Variants in CORIN observed in about 807,000 individuals in gnomAD.
CORIN encodes the protein atrial natriuretic peptide-converting enzyme.
Under a neutral mutation model 125.3 loss-of-function variants are expected in CORIN, and 117 were observed. That is an observed-to-expected ratio of 0.93 (90% CI 0.80 to 1.09). The LOEUF is 1.09. CORIN is among the 50% of genes least tolerant of loss of function. CORIN has a pLI of 0.00. For synonymous variants in CORIN, 450 were observed against 466.4 expected (o/e 0.96, Z 0.45); for missense variants, 1,253 against 1,306.7 (o/e 0.96, Z 0.63).
chr4:47,766,240 T>C (rs1014820733), intron 3 of CORIN, among the ~76,000 whole-genome samples: 8 of 152,158 alleles, frequency 5.3e-5, no homozygotes, highest in South Asian at 2.1e-4. Context: ...AGAACAAAAT[T>C]TCTCTGCCCC....
intron 16 of CORIN, among the ~76,000 whole-genome samples, chr4:47,634,896 G>A (rs76318220): frequency 6.6e-6 from 1 of 152,298 alleles, no homozygotes; most frequent in African/African-American, 2.4e-5. Context: ...CCCAAAGGAA[G>A]GGAGGAATGC....
chr4:47,705,314 T>C (rs1348741641), intron 5 of CORIN, among the ~76,000 whole-genome samples: 1 of 152,226 alleles, frequency 6.6e-6, no homozygotes, highest in African/African-American at 2.4e-5. Flanking sequence ...ATGGTTTACG[T>C]CTTCATAAAC....
rs189964949 is a variant in CORIN, at chr4:47,693,041, A to T, written c.842T>A (p.Ile281Asn). The change falls in exon 6 of 22, where the codon ATC (isoleucine) becomes AAC (asparagine). Residue 281 changes from isoleucine (I) to asparagine (N), a missense_variant. By Grantham distance (149) the Ile-to-Asn change is moderately radical. Coordinates refer to ENST00000273857, the MANE Select transcript of CORIN (RefSeq NM_006587.4). ...RGENFLCASG[I>N]CIPGKLQCNG... ...ACATTGCAGTTTCCCGGGGATGCAG[A>T]TTCCACTGGCACACAGAAAGTTCTC... 1.7e-5 allele frequency: 28 copies of T among 1,613,916 alleles called. No homozygotes were observed. In the African/African-American group the frequency reaches 2.7e-4, roughly 15 times the overall value.
chr4:47,742,821 G>C (rs918839077), intron 5 of CORIN, among the ~76,000 whole-genome samples: 1 of 152,056 alleles, frequency 6.6e-6, no homozygotes, highest in Non-Finnish European at 1.5e-5. Context: ...AACAAAGATA[G>C]AGGACATATA....
intron 1 of CORIN, among the ~76,000 whole-genome samples, chr4:47,807,472 C>T (rs749744073): frequency 1.7e-4 from 26 of 152,092 alleles, no homozygotes; most frequent in Non-Finnish European, 2.9e-4. Flanking sequence ...AGACTTCATT[C>T]TTTTTTGTCT....
chr4:47,732,667 A>C (rs1266335196), intron 5 of CORIN, among the ~76,000 whole-genome samples: 1 of 151,286 alleles, frequency 6.6e-6, no homozygotes, highest in African/African-American at 2.4e-5. Flanking sequence ...AGGCTCAAGC[A>C]ATTCTCCTGC....
chr4:47,623,457 T>C, intron 19 of CORIN, 114 bp downstream of exon 19: 3 of 1,079,126 alleles, frequency 2.8e-6, no homozygotes, highest in Non-Finnish European at 4.0e-6. Flanking sequence ...GGAAGTAGAT[T>C]AGCTGTGGCT....
intron 6 of CORIN, among the ~76,000 whole-genome samples, chr4:47,690,987 A>G (rs914110970): frequency 1.3e-5 from 2 of 152,234 alleles, no homozygotes; most frequent in African/African-American, 4.8e-5. Context: ...CATTTTTGTG[A>G]TATGTTCATG....
chr4:47,829,253 T>C (rs1732873890), intron 1 of CORIN, among the ~76,000 whole-genome samples: 1 of 151,976 alleles, frequency 6.6e-6, no homozygotes, highest in Admixed American at 6.6e-5. Context: ...ATACATTGAG[T>C]TAAGCTATCT....
chr4:47,791,929 C>G (rs1401077602), intron 2 of CORIN, among the ~76,000 whole-genome samples: 1 of 152,030 alleles, frequency 6.6e-6, no homozygotes. Flanking sequence ...GGCAGGCAAT[C>G]TAAAAAATAT....
intron 10 of CORIN, 39 bp from the exon 11 acceptor site, chr4:47,665,302 A>G: frequency 7.0e-7 from 1 of 1,434,674 alleles, no homozygotes; most frequent in South Asian, 1.2e-5. Flanking sequence ...TTTAAATTTC[A>G]CATATAAAAA....
intron 6 of CORIN, among the ~76,000 whole-genome samples, chr4:47,689,974 T>A (rs1353399308): frequency 6.6e-6 from 1 of 152,136 alleles, no homozygotes; most frequent in East Asian, 1.9e-4. Flanking sequence ...ATTTTCCTGG[T>A]TTTTGAAAAT....
chr4:47,796,394 A>T (rs1025336178), intron 2 of CORIN, among the ~76,000 whole-genome samples: 4 of 152,148 alleles, frequency 2.6e-5, no homozygotes, highest in Admixed American at 6.6e-5. Context: ...GATTCATAGA[A>T]GCAGAAAGCA....
intron 4 of CORIN, among the ~76,000 whole-genome samples, chr4:47,747,896 C>T (rs545956358): frequency 5.3e-5 from 8 of 152,168 alleles, no homozygotes; most frequent in Non-Finnish European, 1.0e-4. Flanking sequence ...GGCAATGTTT[C>T]TCAGAGGAGC....
At chr4:47,678,142 C>T in intron 8 of CORIN, 88 bp from the exon 9 acceptor site, 1 of 896,246 alleles carries the variant, frequency 1.1e-6, no homozygotes, top group South Asian at 1.4e-5. Flanking sequence ...ATTTATCAAG[C>T]ATCGCTAAGA....
rs1159886701 is a variant in CORIN at position 47,706,266 on chromosome 4, G to A, written c.800-13183C>T. 1.1e-5 allele frequency: 8 copies of A among 735,038 alleles called. No homozygotes were observed. The South Asian group carries it at 1.3e-4, about 12-fold the overall frequency. 45.5% of individuals were successfully genotyped at this position (735,038 alleles called of 1,614,324 possible). A position where few individuals can be genotyped will look rare whatever the true frequency, so the allele number is the denominator to read the frequency against. The stretch of plus-strand genomic sequence containing the variant: ...TTCACAGCTGTAGAAAAGTTCTTCC[G>A]AAATTTGTTGGTATCATAAGCTCTA... On this transcript the variant is annotated intron_variant, in intron 5 of 21. Transcript: ENST00000273857.
chr4:47,735,413 A>T (rs1728080430), intron 5 of CORIN, among the ~76,000 whole-genome samples: 1 of 152,206 alleles, frequency 6.6e-6, no homozygotes, highest in Admixed American at 6.5e-5. Context: ...CAAGAATTCT[A>T]AAAAAGATTA....
chr4:47,607,069 T>C (rs1456211777), intron 19 of CORIN, among the ~76,000 whole-genome samples: 1 of 152,182 alleles, frequency 6.6e-6, no homozygotes, highest in Non-Finnish European at 1.5e-5. Context: ...ATTACTGTAT[T>C]GAGATTAATG....
At chr4:47,634,734 C>A (rs751605626) in intron 16 of CORIN, among the ~76,000 whole-genome samples, 1 of 152,210 alleles carries the variant, frequency 6.6e-6, no homozygotes, top group South Asian at 2.1e-4. Flanking sequence ...GGCAGTAAGA[C>A]ACTTTGATTG....
Sources: gnomAD v4.1 joint callset for allele counts (sites outside exome capture counted in the v4.1 genomes callset) on GRCh38, gnomAD v4.1.1 for gene constraint, MANE v1.5 for transcripts, NCBI Gene and HGNC (gene_info 2026-07-23, HGNC 2026-07-21) for gene names.